Variants in NIBAN1 observed in about 807,000 individuals in gnomAD.
The protein encoded by NIBAN1 is niban apoptosis regulator 1.
Under a neutral mutation model 75.1 loss-of-function variants are expected in NIBAN1, and 81 were observed. The ratio of observed to expected loss-of-function variants is 1.08; its 90% CI spans 0.90 to 1.30. The LOEUF (loss-of-function observed/expected upper bound fraction) is 1.30. Ranked by LOEUF, NIBAN1 falls within the 50% of genes most tolerant of loss-of-function variation. The pLI is 0.00. For missense variants in NIBAN1, 1,133 were observed against 1,128.1 expected (o/e 1.00, Z -0.06); for synonymous variants, 436 against 424.8 (o/e 1.03, Z -0.32).
Position 184,795,104 on chromosome 1 carries a change from CG to C in NIBAN1, c.2659del (p.Arg887ValfsTer25), listed in dbSNP as rs1483441987. 7 of 1,613,976 alleles carry C rather than the reference CG, an allele frequency of 4.3e-6. No individual in the cohort carries two copies. In the Admixed American group the frequency reaches 5.0e-5, roughly 12 times the overall value. ...CACCACCCACTGACACTCATGAATA[CG>C]GGCTACCTTGATCTCCTCTGCATTC... ...SVNAEEIKVA[R>X]IHECQWVVED... On this transcript the variant is annotated frameshift_variant, in exon 14 of 14. Coordinates refer to ENST00000367511, the MANE Select transcript of NIBAN1 (RefSeq NM_052966.4). LOFTEE classifies it low-confidence loss of function (END_TRUNC).
In NIBAN1 at chr1:184,956,603, C is replaced by A. The variant is rs116669221; in HGVS notation, c.55+17699G>T. On this transcript the variant is annotated intron_variant, in intron 1 of 13. Coordinates refer to ENST00000367511, the MANE Select transcript of NIBAN1 (RefSeq NM_052966.4). The stretch of plus-strand genomic sequence containing the variant: ...AGTAGTTATTAAACCCTCCATGAGA[C>A]CTTGTCATTGAATGCATTAATAAAG... 1.3e-3 allele frequency among the ~76,000 whole-genome samples: 196 copies of A among 152,254 alleles called. 2 individuals are homozygous for A. The highest frequency in any genetic ancestry group is 4.5e-3 in the African/African-American group (189 of 41,552).
intron 3 of NIBAN1, 71 bp from the exon 4 acceptor site, chr1:184,890,293 A>G: frequency 9.7e-7 from 1 of 1,034,070 alleles, no homozygotes; most frequent in South Asian, 1.3e-5. Context: ...TCAGGGATAT[A>G]ACAAATAGAC....
At chr1:184,896,213 T>A (rs1328001629) in intron 2 of NIBAN1, among the ~76,000 whole-genome samples, 1 of 152,088 alleles carries the variant, frequency 6.6e-6, no homozygotes, top group African/African-American at 2.4e-5. Flanking sequence ...CACATCCACA[T>A]CATCTGTTAT....
intron 1 of NIBAN1, among the ~76,000 whole-genome samples, chr1:184,901,337 G>A (rs1231519210): frequency 6.6e-6 from 1 of 152,130 alleles, no homozygotes; most frequent in Admixed American, 6.6e-5. Flanking sequence ...GCATGCTTTT[G>A]CTTGCTCTGT....
intron 10 of NIBAN1, among the ~76,000 whole-genome samples, chr1:184,807,577 CAA>C (rs1299669085): frequency 1.3e-5 from 2 of 152,044 alleles, no homozygotes; most frequent in Admixed American, 1.3e-4. Context: ...CACTTGAGGT[CAA>C]GAGTTTGAGA....
In NIBAN1 at chr1:184,969,987, G is replaced by A. The variant is rs543073470; in HGVS notation, c.55+4315C>T. Among the ~76,000 whole-genome samples the A allele has an allele frequency of 1.4e-4, 21 of 151,862 alleles. No homozygotes were observed. The Middle Eastern group carries it at 0.01, about 74-fold the overall frequency. On this transcript the variant is annotated intron_variant, in intron 1 of 13. Coordinates refer to ENST00000367511, the MANE Select transcript of NIBAN1 (RefSeq NM_052966.4). The stretch of plus-strand genomic sequence containing the variant: ...TTGAGATTAGCCTGGGAAACATGGC[G>A]AAACCCCGTCTCTACAAAAAAATAC...
chr1:184,964,995 G>C (rs977751400), intron 1 of NIBAN1, among the ~76,000 whole-genome samples: 1 of 152,160 alleles, frequency 6.6e-6, no homozygotes, highest in Non-Finnish European at 1.5e-5. Flanking sequence ...CAGCTGTTAT[G>C]TGCCTCCAGA....
rs79594261 is a variant in NIBAN1, at chr1:184,908,081, G to C, written c.56-8772C>G. 2.7e-3 allele frequency among the ~76,000 whole-genome samples: 418 copies of C among 152,266 alleles called. 6 individuals carry two copies. The East Asian group carries it at 0.028, about 10-fold the overall frequency. On this transcript the variant is annotated intron_variant, in intron 1 of 13. Transcript: ENST00000367511. Reference sequence around the variant, plus strand: ...GGCATGCTTAAGAACAAACAATAAAGCATCGTTTCCTGCTTTCCAACACTT... The same window carrying C: ...GGCATGCTTAAGAACAAACAATAAACCATCGTTTCCTGCTTTCCAACACTT...
chr1:184,905,876 A>G (rs1177884980), intron 1 of NIBAN1, among the ~76,000 whole-genome samples: 5 of 152,210 alleles, frequency 3.3e-5, no homozygotes, highest in Non-Finnish European at 5.9e-5. Flanking sequence ...TTCTATCAAC[A>G]AAACCCATGC....
intron 5 of NIBAN1, among the ~76,000 whole-genome samples, chr1:184,842,489 C>T (rs1005201491): frequency 1.5e-4 from 23 of 152,280 alleles, no homozygotes; most frequent in African/African-American, 5.3e-4. Flanking sequence ...CATGGTGGCT[C>T]ACGCCTGTAA....
chr1:184,801,825 A>T (rs1654050417), intron 12 of NIBAN1, among the ~76,000 whole-genome samples: 1 of 152,248 alleles, frequency 6.6e-6, no homozygotes, highest in Non-Finnish European at 1.5e-5. Context: ...CAGCTAAATA[A>T]TTCTGTGGGA....
intron 1 of NIBAN1, among the ~76,000 whole-genome samples, chr1:184,946,016 AG>A (rs1658215902): frequency 1.3e-5 from 2 of 151,696 alleles, no homozygotes; most frequent in African/African-American, 4.8e-5. Flanking sequence ...AAAAAGAAAG[AG>A]GGGCTCCTCA....
Position 184,793,997 on chromosome 1 carries a change from G to T in NIBAN1, c.*980C>A, listed in dbSNP as rs1397824885. 1 of 151,552 alleles carries T rather than the reference G, an allele frequency of 6.6e-6. No individual in the cohort carries two copies. The highest frequency in any genetic ancestry group is 1.9e-4 in the East Asian group (1 of 5,184). 9.4% of individuals were successfully genotyped at this position (151,552 alleles called of 1,614,324 possible). A position where few individuals can be genotyped will look rare whatever the true frequency, so the allele number is the denominator to read the frequency against. On this transcript the variant is annotated 3_prime_UTR_variant, in exon 14 of 14. Coordinates refer to ENST00000367511, the MANE Select transcript of NIBAN1 (RefSeq NM_052966.4). ...GGGAATGAACCAGGACTATTTGAAT[G>T]GAAAGAGAAAAAAAAAAGCTGTCAT...
At chr1:184,887,444 C>T (rs1170854447) in intron 4 of NIBAN1, among the ~76,000 whole-genome samples, 1 of 152,192 alleles carries the variant, frequency 6.6e-6, no homozygotes, top group Non-Finnish European at 1.5e-5. Context: ...TTCCAGCCTC[C>T]TTTGCAGCTT....
chr1:184,809,638 T>G (rs937064582), intron 9 of NIBAN1, among the ~76,000 whole-genome samples: 3 of 141,434 alleles, frequency 2.1e-5, no homozygotes, highest in African/African-American at 8.7e-5. Flanking sequence ...TATATGTGTG[T>G]GTGTATATAT....
At chr1:184,901,298 C>T (rs1258973204) in intron 1 of NIBAN1, among the ~76,000 whole-genome samples, 1 of 152,116 alleles carries the variant, frequency 6.6e-6, no homozygotes, top group Non-Finnish European at 1.5e-5. Context: ...TGTAGAAATG[C>T]AAATAAAAGC....
Position 184,795,001 on chromosome 1 carries a change from GA to G in NIBAN1, c.2762del (p.Phe921SerfsTer19). On this transcript the variant is annotated frameshift_variant, in exon 14 of 14. Transcript: ENST00000367511. LOFTEE classifies it high-confidence loss of function. ...VKEGEGGQES[F>X]PELPSEE ...TTCACTCCTCTGAGGGCAGCTCTGGGAAACTCTCCTGACCACCTTCTCCCTC... is the reference window on the plus strand; with the variant it reads ...TTCACTCCTCTGAGGGCAGCTCTGGGAACTCTCCTGACCACCTTCTCCCTC... The G allele has an allele frequency of 1.9e-6, 3 of 1,611,664 alleles. No homozygotes were observed. Among genetic ancestry groups the G allele is most frequent in the Non-Finnish European group, 2.5e-6 (3 of 1,180,016 alleles).
At chr1:184,910,389 CT>C (rs1657209988) in intron 1 of NIBAN1, among the ~76,000 whole-genome samples, 1 of 152,108 alleles carries the variant, frequency 6.6e-6, no homozygotes, top group Non-Finnish European at 1.5e-5. Context: ...CACAATCGTC[CT>C]TTCCAATGCT....
chr1:184,834,380 G>C (rs896844896), intron 5 of NIBAN1, among the ~76,000 whole-genome samples: 4 of 152,154 alleles, frequency 2.6e-5, no homozygotes, highest in Non-Finnish European at 2.9e-5. Flanking sequence ...ACCCAGTAAT[G>C]GGATGGCTGG....
Sources: gnomAD v4.1 joint callset for allele counts (sites outside exome capture counted in the v4.1 genomes callset) on GRCh38, gnomAD v4.1.1 for gene constraint, MANE v1.5 for transcripts, NCBI Gene and HGNC (gene_info 2026-07-23, HGNC 2026-07-21) for gene names.